The following PLOD1 variants were observed in gnomAD, a reference collection of about 807,000 sequenced individuals.
PLOD1 encodes the protein lysine hydroxylase.
PLOD1 carries 70 observed loss-of-function variants against 94.7 expected under a neutral mutation model. That is an observed-to-expected ratio of 0.74 (90% confidence interval 0.61 to 0.90). The LOEUF (loss-of-function observed/expected upper bound fraction) is 0.90, where lower values mean the gene tolerates loss of function less well. PLOD1 is among the 40% of genes least tolerant of loss of function. The pLI is 0.00. For synonymous variants in PLOD1, 417 were observed against 400.2 expected (o/e 1.04, Z -0.50); for missense variants, 905 against 972.7 (o/e 0.93, Z 0.93).
chr1:11,939,352 T>G (rs1645600453), intron 1 of PLOD1, among the ~76,000 whole-genome samples: 1 of 151,184 alleles, frequency 6.6e-6, no homozygotes, highest in African/African-American at 2.4e-5. Context: ...GGGGTGGGGA[T>G]GAAGGATGGG....
chr1:11,934,836 G>A lies in PLOD1; in HGVS notation c.57G>A (p.Lys19=). 5.2e-6 allele frequency: 8 copies of A among 1,539,900 alleles called. No individual in the cohort carries two copies. The highest frequency in any genetic ancestry group is 7.0e-6 in the Non-Finnish European group (8 of 1,145,646). Residue 19 remains lysine (K), a synonymous_variant, in exon 1 of 19, where the codon AAG becomes AAA. Coordinates refer to ENST00000196061, the MANE Select transcript of PLOD1 (RefSeq NM_000302.4). ...GCTGGCTGCTGCTGGCCGAAGCGAA[G>A]GGCGACGCCAAGCCGGAGGGTGAGG... ...LLGWLLLAEA[K]GDAKPEDNLL...
chr1:11,951,588 G>A (rs979740223), intron 4 of PLOD1, among the ~76,000 whole-genome samples: 1 of 144,990 alleles, frequency 6.9e-6, no homozygotes, highest in African/African-American at 2.5e-5. Flanking sequence ...TTTTTATAAT[G>A]TAAAATATAT....
At chr1:11,937,109 A>T (rs1557479777) in intron 1 of PLOD1, among the ~76,000 whole-genome samples, 2 of 152,132 alleles carry the variant, frequency 1.3e-5, no homozygotes, top group African/African-American at 4.8e-5. Context: ...CGGCCTCCCA[A>T]AGTACCGGGA....
In PLOD1 at chr1:11,967,616, A is replaced by ATATATATATATATATATATATATATATAT. The variant is rs35226154; in HGVS notation, c.1755+525_1755+526insTATATATATATATATATATATATATATAT. On this transcript the variant is annotated intron_variant, in intron 16 of 18. Coordinates refer to ENST00000196061, the MANE Select transcript of PLOD1 (RefSeq NM_000302.4). ...GTGTGTGTATATATATATATATATA[A>ATATATATATATATATATATATATATATAT]AAAGAAATATATATAGATTTTATTT... Among the ~76,000 whole-genome samples the ATATATATATATATATATATATATATATAT allele has an allele frequency of 4.0e-3, 299 of 74,686 alleles. 23 individuals are homozygous for ATATATATATATATATATATATATATATAT. Among genetic ancestry groups the ATATATATATATATATATATATATATATAT allele is most frequent in the South Asian group, 7.5e-3 (13 of 1,724 alleles). The allele number at this position is 74,686 out of a possible 152,430, so 49.0% of individuals were successfully genotyped here.
intron 2 of PLOD1, among the ~76,000 whole-genome samples, chr1:11,948,662 G>A (rs183726411): frequency 7.9e-5 from 12 of 152,192 alleles, no homozygotes; most frequent in South Asian, 4.1e-4. Flanking sequence ...CCTGGGAGGC[G>A]GAGGTTGCAG....
chr1:11,939,466 C>T (rs1372295780), intron 1 of PLOD1, among the ~76,000 whole-genome samples: 3 of 152,110 alleles, frequency 2.0e-5, no homozygotes, highest in Admixed American at 1.3e-4. Flanking sequence ...TGACCACCCA[C>T]GCCTTGGGCT....
chr1:11,954,310 CAAAAAAAAAAAAAA>C (rs754503001), intron 5 of PLOD1: 2 of 159,824 alleles, frequency 1.3e-5, no homozygotes, highest in South Asian at 4.0e-5. Flanking sequence ...CCATCTCTAG[CAAAAAAAAAAAAAA>C]AAAAAAAAAA....
rs377018142 is a variant in PLOD1, at chr1:11,963,690, G to A, written c.1202+54G>A. On this transcript the variant is annotated intron_variant, in intron 11 of 18. Coordinates refer to ENST00000196061, the MANE Select transcript of PLOD1 (RefSeq NM_000302.4). The surrounding 1 kb of genome is among the most constrained non-coding windows in gnomAD (Gnocchi z 4.3). The stretch of plus-strand genomic sequence containing the variant: ...TGCTCAGGACTGGCCTGGTCCTGGG[G>A]TGGCAGCCCTCCTTGCCTTCCTCCT... 1.7e-6 allele frequency: 2 copies of A among 1,173,670 alleles called. No homozygotes were observed. The highest frequency in any genetic ancestry group is 1.3e-5 in the South Asian group (1 of 77,036). The allele number at this position is 1,173,670 out of a possible 1,614,324, so 72.7% of individuals were successfully genotyped here.
At chr1:11,964,479 T>A (rs1645801569) in intron 12 of PLOD1, among the ~76,000 whole-genome samples, 165 bp from the exon 13 acceptor site, 1 of 152,088 alleles carries the variant, frequency 6.6e-6, no homozygotes, top group Non-Finnish European at 1.5e-5. Flanking sequence ...GGCCCATGTG[T>A]CCAGGGCGGG....
rs1171963180 is a variant in PLOD1 at position 11,963,137 on chromosome 1, C to T, written c.1098-395C>T. On this transcript the variant is annotated intron_variant, in intron 10 of 18. Transcript: ENST00000196061. The surrounding 1 kb of genome is among the most constrained non-coding windows in gnomAD (Gnocchi z 4.3). Reference sequence around the variant, plus strand: ...AACCAGGCAGGGCCAGAGTTTGACTCACAGACCCTCGTTTGCTGAGTCCTG... The same window carrying T: ...AACCAGGCAGGGCCAGAGTTTGACTTACAGACCCTCGTTTGCTGAGTCCTG... Among the ~76,000 whole-genome samples, 1 of 152,198 alleles carries T rather than the reference C, an allele frequency of 6.6e-6. No homozygotes were observed. The highest frequency in any genetic ancestry group is 1.5e-5 in the Non-Finnish European group (1 of 68,032).
chr1:11,951,549 T>A (rs1018234592), intron 4 of PLOD1, among the ~76,000 whole-genome samples: 1 of 144,454 alleles, frequency 6.9e-6, no homozygotes, highest in Non-Finnish European at 1.5e-5. Context: ...AAATAAATAA[T>A]TTTTTTAAAT....
chr1:11,950,308 C>T, intron 3 of PLOD1, 49 bp from the exon 4 acceptor site: 4 of 1,588,134 alleles, frequency 2.5e-6, no homozygotes, highest in Non-Finnish European at 3.5e-6. Context: ...CCTCACTGGG[C>T]CCCTGCTCAC....
intron 1 of PLOD1, among the ~76,000 whole-genome samples, chr1:11,935,382 A>G (rs1030367133): frequency 1.7e-4 from 26 of 152,076 alleles, no homozygotes; most frequent in African/African-American, 6.3e-4. Flanking sequence ...CAGGGGAGGA[A>G]TGGGGGTAGA....
Position 11,970,822 on chromosome 1 carries a change from C to T in PLOD1, c.1902+6C>T. 1 of 1,541,352 alleles carries T rather than the reference C, an allele frequency of 6.5e-7. No individual in the cohort carries two copies. Among genetic ancestry groups the T allele is most frequent in the Non-Finnish European group, 8.8e-7 (1 of 1,141,880 alleles). Reference sequence around the variant, plus strand: ...ACCCCGGCTACTACACCAGGGTGGGCAAGCCTGGGGCATAGCCAGGATGCG... The same window carrying T: ...ACCCCGGCTACTACACCAGGGTGGGTAAGCCTGGGGCATAGCCAGGATGCG... On this transcript the variant is annotated splice_donor_region_variant and intron_variant, in intron 17 of 18. Coordinates refer to ENST00000196061, the MANE Select transcript of PLOD1 (RefSeq NM_000302.4).
Position 11,957,923 on chromosome 1 carries a change from CGCAGCCTCAAGG to C in PLOD1, c.827_838del (p.Ser276_Gly279del). Reference sequence around the variant, plus strand: ...CTGCACCGTGTGTGACGAAGGCTTGCGCAGCCTCAAGGGCATTGGGGTGAGGCTGCGCCCAGG... The same window carrying C: ...CTGCACCGTGTGTGACGAAGGCTTGCGCATTGGGGTGAGGCTGCGCCCAGG... On this transcript the variant is annotated inframe_deletion, in exon 8 of 19. Coordinates refer to ENST00000196061, the MANE Select transcript of PLOD1 (RefSeq NM_000302.4). The surrounding 1 kb of genome is among the most constrained non-coding windows in gnomAD (Gnocchi z 4.1). The C allele has an allele frequency of 1.2e-6, 2 of 1,613,038 alleles. No homozygotes were observed. Among genetic ancestry groups the C allele is most frequent in the Non-Finnish European group, 1.7e-6 (2 of 1,179,034 alleles).
At chr1:11,946,202 T>C (rs1025708397) in intron 1 of PLOD1, among the ~76,000 whole-genome samples, 2 of 152,214 alleles carry the variant, frequency 1.3e-5, no homozygotes, top group Non-Finnish European at 2.9e-5. Flanking sequence ...GCTAGGATTC[T>C]AACCAGGCAG....
intron 1 of PLOD1, among the ~76,000 whole-genome samples, chr1:11,945,871 G>A (rs895020039): frequency 1.3e-5 from 2 of 152,012 alleles, no homozygotes; most frequent in Non-Finnish European, 2.9e-5. Flanking sequence ...ACCACGCCCA[G>A]CTAATTTTTG....
intron 2 of PLOD1, 61 bp downstream of exon 2, chr1:11,948,128 G>C: frequency 8.7e-7 from 1 of 1,154,886 alleles, no homozygotes; most frequent in Non-Finnish European, 1.3e-6. Flanking sequence ...CTAGGAGCTA[G>C]TGTCCTTTCC....
At chr1:11,962,816 A>G (rs1645788405) in intron 10 of PLOD1, among the ~76,000 whole-genome samples, 1 of 151,936 alleles carries the variant, frequency 6.6e-6, no homozygotes. Flanking sequence ...CGAGGCGGGC[A>G]GATCACCTGA....
Sources: allele counts gnomAD v4.1 joint callset (sites outside exome capture counted in the v4.1 genomes callset), GRCh38; gene constraint gnomAD v4.1.1; non-coding constraint Gnocchi (gnomAD v3.1); transcripts MANE v1.5; gene names NCBI Gene and HGNC (gene_info 2026-07-23, HGNC 2026-07-21).